Variants in LIPA observed in about 807,000 individuals in gnomAD.
LIPA encodes lysosomal acid lipase/cholesteryl ester hydrolase.
Under a neutral mutation model 40.6 loss-of-function variants are expected in LIPA, and 26 were observed. The observed-to-expected ratio is 0.64, with a 90% CI of 0.47 to 0.89. LIPA has a LOEUF of 0.89. Ranked by LOEUF, LIPA falls within the 40% of genes least tolerant of loss-of-function variation. The pLI, the probability that LIPA is intolerant of heterozygous loss-of-function variation, is 0.00. For synonymous variants in LIPA, 188 were observed against 168.4 expected, an observed-to-expected ratio of 1.12 and a Z score of -0.90; for missense variants, 455 against 479.6, an observed-to-expected ratio of 0.95 and a Z score of 0.48.
intron 2 of LIPA, chr10:89,412,645 G>A: frequency 3.0e-6 from 1 of 338,696 alleles, no homozygotes; most frequent in Non-Finnish European, 5.8e-6. Flanking sequence ...CACCACAAAG[G>A]TCTACGGCTT....
At chr10:89,296,664 G>A (rs1009692442) in intron 1 of LIPA, among the ~76,000 whole-genome samples, 1 of 151,968 alleles carries the variant, frequency 6.6e-6, no homozygotes, top group African/African-American at 2.4e-5. Flanking sequence ...CCTGCCCTAG[G>A]CAGAAAAAAA....
At chr10:89,343,152 C>T (rs1843887053), upstream of LIPA, among the ~76,000 whole-genome samples, 1 of 152,160 alleles carries the variant, frequency 6.6e-6, no homozygotes, top group African/African-American at 2.4e-5. Flanking sequence ...AAAAGCATAA[C>T]AAATTTACTT....
At chr10:89,378,472 T>C (rs144001253) in intron 2 of LIPA, among the ~76,000 whole-genome samples, 446 of 152,186 alleles carry the variant, frequency 2.9e-3, no homozygotes, top group African/African-American at 9.7e-3. Context: ...AAGGAGACTC[T>C]AAGCTATAGC....
intron 2 of LIPA, among the ~76,000 whole-genome samples, chr10:89,408,999 C>T (rs1283327638): frequency 3.3e-5 from 5 of 152,154 alleles, no homozygotes; most frequent in East Asian, 3.8e-4. Flanking sequence ...AAAAAGCCCA[C>T]GAATTATTCA....
chr10:89,311,417 C>T (rs1843514736), intron 1 of LIPA, among the ~76,000 whole-genome samples: 1 of 150,834 alleles, frequency 6.6e-6, no homozygotes, highest in Non-Finnish European at 1.5e-5. Flanking sequence ...GTAATCCCAG[C>T]TACTCAGGAG....
At position 89,296,768 on chromosome 10, in the gene LIPA, T is replaced by G. The variant is rs190323106; in HGVS notation, c.-2+45843A>C. Among the ~76,000 whole-genome samples the G allele has an allele frequency of 9.2e-5, 14 of 152,338 alleles. No individual in the cohort carries two copies. In the East Asian group the frequency reaches 1.9e-3, roughly 21 times the overall value. On this transcript the variant is annotated intron_variant, in intron 1 of 5. Coordinates refer to the LIPA transcript ENST00000282673. ...TGTTCTATCTGTGCTTTGTGTAATTTTCTGACCTCAATCTTTGAGGTACTA... is the reference window on the plus strand; with the variant it reads ...TGTTCTATCTGTGCTTTGTGTAATTGTCTGACCTCAATCTTTGAGGTACTA...
intron 2 of LIPA, among the ~76,000 whole-genome samples, chr10:89,386,751 A>G (rs1479023203): frequency 6.6e-6 from 1 of 152,250 alleles, no homozygotes; most frequent in African/African-American, 2.4e-5. Context: ...AGAGATTTAC[A>G]GTCCTCTTGG....
At chr10:89,251,902 A>ACTCCGCCCTAGACCAGCGCCT, upstream of LIPA, 2 of 153,232 alleles carry the variant, frequency 1.3e-5, no homozygotes, top group South Asian at 4.1e-4. Flanking sequence ...AGCCACCGGG[A>ACTCCGCCCTAGACCAGCGCCT]AGTGCCTCGG....
At chr10:89,273,581 A>G (rs947215365) in intron 1 of LIPA, among the ~76,000 whole-genome samples, 6 of 152,214 alleles carry the variant, frequency 3.9e-5, no homozygotes, top group African/African-American at 1.4e-4. Context: ...GCTGAGAAAA[A>G]TATTGTGAAT....
At chr10:89,413,784 C>CAAAAAAAAAAA (rs1564815971) in intron 1 of LIPA, among the ~76,000 whole-genome samples, 1 of 76,166 alleles carries the variant, frequency 1.3e-5, no homozygotes. Flanking sequence ...AAAAAAAAAC[C>CAAAAAAAAAAA]AAAATCAATG....
At chr10:89,324,809 G>A (rs1843590383) in intron 1 of LIPA, among the ~76,000 whole-genome samples, 1 of 152,148 alleles carries the variant, frequency 6.6e-6, no homozygotes, top group Non-Finnish European at 1.5e-5. Context: ...ATATTTTGCT[G>A]AAAATGATGG....
intron 2 of LIPA, chr10:89,378,121 T>C (rs1379488900): frequency 6.2e-7 from 1 of 1,613,816 alleles, no homozygotes; most frequent in Non-Finnish European, 8.5e-7. Context: ...GATCACCTGC[T>C]ATCTTCATAG....
intron 2 of LIPA, among the ~76,000 whole-genome samples, chr10:89,352,524 C>T (rs1380480613): frequency 6.6e-6 from 1 of 152,086 alleles, no homozygotes; most frequent in East Asian, 1.9e-4. Flanking sequence ...CTTAGTCTTC[C>T]CTCCCACAAA....
At chr10:89,378,115 A>G (rs912783195) in intron 2 of LIPA, 1 of 1,613,364 alleles carries the variant, frequency 6.2e-7, no homozygotes. Flanking sequence ...ACTACAGATC[A>G]CCTGCTATCT....
At chr10:89,346,515 T>G (rs1377780055), upstream of LIPA, among the ~76,000 whole-genome samples, 2 of 152,222 alleles carry the variant, frequency 1.3e-5, no homozygotes, top group Non-Finnish European at 2.9e-5. Flanking sequence ...CATGGTCCCT[T>G]TATATGAATA....
At chr10:89,392,653 A>T (rs1271466309) in intron 2 of LIPA, 39 of 1,587,556 alleles carry the variant, frequency 2.5e-5, no homozygotes, top group Non-Finnish European at 3.1e-5. Flanking sequence ...GAATAGCCAG[A>T]TCTCAGAGGA....
chr10:89,223,536 A>G, intron 7 of LIPA, 148 bp downstream of exon 7: 1 of 640,892 alleles, frequency 1.6e-6, no homozygotes, highest in Non-Finnish European at 2.7e-6. Flanking sequence ...TATTCTAGGC[A>G]TTGGCCAAAG....
chr10:89,384,500 A>G, intron 2 of LIPA: 1 of 1,614,160 alleles, frequency 6.2e-7, no homozygotes, highest in Non-Finnish European at 8.5e-7. Context: ...AAATCTCAAG[A>G]TAAAGCAATT....
intron 1 of LIPA, among the ~76,000 whole-genome samples, chr10:89,324,098 T>C (rs571578119): frequency 1.3e-5 from 2 of 151,840 alleles, no homozygotes; most frequent in Non-Finnish European, 2.9e-5. Context: ...TAGAACAGAA[T>C]AGAGAGCCCA....
Sources: gnomAD v4.1 joint callset for allele counts (sites outside exome capture counted in the v4.1 genomes callset) on GRCh38, gnomAD v4.1.1 for gene constraint, MANE v1.5 for transcripts, NCBI Gene and HGNC (gene_info 2026-07-23, HGNC 2026-07-21) for gene names.